Variants in CDIN1 observed in about 807,000 individuals in gnomAD.
The protein encoded by CDIN1 is CDAN1-interacting nuclease 1.
In CDIN1, 33 loss-of-function variants were observed where a neutral mutation model predicts 45.3. The observed-to-expected ratio is 0.73, with a 90% CI of 0.55 to 0.97. The LOEUF is 0.97. Among genes scored for constraint, CDIN1 ranks in the 50% least tolerant of loss-of-function variants. The probability of loss-of-function intolerance (pLI) is 0.00; values close to 1 mark genes in which losing one functional copy is unlikely to be tolerated. For missense variants in CDIN1, 303 were observed against 339.4 expected, an observed-to-expected ratio of 0.89 and a Z score of 0.84; for synonymous variants, 118 against 124.4, an observed-to-expected ratio of 0.95 and a Z score of 0.34.
At chr15:36,736,982 C>T (rs1190705146) in intron 10 of CDIN1, among the ~76,000 whole-genome samples, 3 of 152,074 alleles carry the variant, frequency 2.0e-5, no homozygotes, top group African/African-American at 4.8e-5. Context: ...GCCTGGCCAA[C>T]GTGGTGAAAC....
At chr15:36,726,350 C>G (rs1160784841) in intron 10 of CDIN1, among the ~76,000 whole-genome samples, 2 of 152,152 alleles carry the variant, frequency 1.3e-5, no homozygotes, top group Non-Finnish European at 2.9e-5. Context: ...GTTCCAATTT[C>G]CTGGTATTCC....
intron 1 of CDIN1, among the ~76,000 whole-genome samples, chr15:36,643,087 A>T (rs917112710): frequency 2.6e-5 from 4 of 152,140 alleles, no homozygotes; most frequent in African/African-American, 9.7e-5. Flanking sequence ...AATTGAAAAA[A>T]ACAGACTATA....
chr15:36,774,135 T>G lies in CDIN1; in HGVS notation c.717-34189T>G, dbSNP rs796860248. On this transcript the variant is annotated intron_variant, in intron 10 of 10. Coordinates refer to ENST00000566621, the MANE Select transcript of CDIN1 (RefSeq NM_001321759.2). The stretch of plus-strand genomic sequence containing the variant: ...CCTGCCGGCAAGTAACTGACAGGGG[T>G]GTGTGTGTGTGTGTGTGTGTGTGTG... 3.1e-3 allele frequency among the ~76,000 whole-genome samples: 203 copies of G among 66,232 alleles called. 1 individual carries two copies. The highest frequency in any genetic ancestry group is 0.027 in the East Asian group (65 of 2,366). 43.5% of individuals were successfully genotyped at this position (66,232 alleles called of 152,430 possible).
At chr15:36,686,011 A>T (rs2042029354) in intron 5 of CDIN1, among the ~76,000 whole-genome samples, 1 of 151,740 alleles carries the variant, frequency 6.6e-6, no homozygotes. Context: ...GCGATTCCTC[A>T]GGGATCTAGA....
intron 5 of CDIN1, among the ~76,000 whole-genome samples, 166 bp downstream of exon 5, chr15:36,658,071 T>C (rs1287649059): frequency 6.6e-6 from 1 of 152,184 alleles, no homozygotes; most frequent in Non-Finnish European, 1.5e-5. Flanking sequence ...ACAACTTAAA[T>C]ACTCTTCAGA....
At chr15:36,704,829 A>G (rs78580395) in intron 8 of CDIN1, 4 of 152,118 alleles carry the variant, frequency 2.6e-5, no homozygotes, top group East Asian at 1.9e-4. Context: ...CATGATTTTT[A>G]TGGAAATGAC....
intron 1 of CDIN1, among the ~76,000 whole-genome samples, chr15:36,611,269 A>G (rs567038627): frequency 5.9e-5 from 9 of 152,280 alleles, no homozygotes; most frequent in African/African-American, 1.9e-4. Context: ...TGTGTTTTCT[A>G]CTTACCAGAA....
intron 10 of CDIN1, among the ~76,000 whole-genome samples, chr15:36,768,366 G>A (rs2053980262): frequency 6.6e-6 from 1 of 152,184 alleles, no homozygotes; most frequent in Admixed American, 6.5e-5. Context: ...AGAGAGTTGG[G>A]CTAAATAATC....
chr15:36,584,043 A>G (rs1039870248), intron 1 of CDIN1, among the ~76,000 whole-genome samples: 1 of 152,034 alleles, frequency 6.6e-6, no homozygotes, highest in African/African-American at 2.4e-5. Context: ...TAAAATAAAG[A>G]CCCAAAACAC....
At chr15:36,798,179 A>G (rs1032254686) in intron 10 of CDIN1, among the ~76,000 whole-genome samples, 1 of 152,152 alleles carries the variant, frequency 6.6e-6, no homozygotes, top group African/African-American at 2.4e-5. Context: ...TGCCACTGAA[A>G]TACAAGCTGC....
chr15:36,613,786 A>G, intron 1 of CDIN1: 4 of 1,602,712 alleles, frequency 2.5e-6, no homozygotes, highest in Non-Finnish European at 3.4e-6. Context: ...AAGAAAAGAT[A>G]GAACTCCAGG....
At chr15:36,730,749 C>T (rs1480501582) in intron 10 of CDIN1, among the ~76,000 whole-genome samples, 1 of 152,016 alleles carries the variant, frequency 6.6e-6, no homozygotes, top group African/African-American at 2.4e-5. Flanking sequence ...TGTTTCAAAA[C>T]TAAACTTTAG....
At chr15:36,617,523 A>G (rs2038950712) in intron 1 of CDIN1, 5 of 830,860 alleles carry the variant, frequency 6.0e-6, no homozygotes, top group Middle Eastern at 6.7e-4. Context: ...TGATCTCTCA[A>G]ATGGATAGTG....
At chr15:36,690,760 A>G (rs976788546) in intron 5 of CDIN1, among the ~76,000 whole-genome samples, 1 of 152,162 alleles carries the variant, frequency 6.6e-6, no homozygotes, top group Non-Finnish European at 1.5e-5. Context: ...ATTGTGGTGA[A>G]TAATTCCACT....
intron 1 of CDIN1, among the ~76,000 whole-genome samples, chr15:36,612,541 G>A (rs1161193625): frequency 6.6e-6 from 1 of 152,166 alleles, no homozygotes; most frequent in Admixed American, 6.5e-5. Context: ...TCAGAATGAG[G>A]CTGCATGAGA....
intron 1 of CDIN1, chr15:36,617,800 G>T: frequency 1.2e-6 from 1 of 804,446 alleles, no homozygotes; most frequent in Non-Finnish European, 2.2e-6. Flanking sequence ...GTAGCAGCTG[G>T]TATATCACTT....
rs753397786 is a variant in CDIN1, at chr15:36,657,883, A to G, written c.324A>G (p.Leu108=). The G allele has an allele frequency of 6.2e-7, 1 of 1,612,070 alleles. No individual in the cohort carries two copies. Among genetic ancestry groups the G allele is most frequent in the Non-Finnish European group, 8.5e-7 (1 of 1,179,038 alleles). The change falls in exon 5 of 11, where the codon CTA becomes CTG. Residue 108 remains leucine, a synonymous_variant. Coordinates refer to ENST00000566621, the MANE Select transcript of CDIN1 (RefSeq NM_001321759.2). ...CTCGGCTTATACTGGAGAGGTTTCT[A>G]CAGGAACACGAGGAAACTCCACGTG... ...LMARLILERF[L]QEHEETPPSK... is the part of the protein sequence containing the mutation.
chr15:36,758,614 T>C (rs79321048), intron 10 of CDIN1, among the ~76,000 whole-genome samples: 2,067 of 152,284 alleles, frequency 0.014, 24 homozygotes, highest in Non-Finnish European at 0.021. Flanking sequence ...GTAAAGGCAA[T>C]AACACCCTTT....
In CDIN1 at chr15:36,808,796, TG is replaced by T. The variant is rs2055314830; in HGVS notation, c.*344del. 2 of 461,692 alleles carry T rather than the reference TG, an allele frequency of 4.3e-6. No individual in the cohort carries two copies. Among genetic ancestry groups the T allele is most frequent in the Non-Finnish European group, 8.6e-6 (2 of 232,204 alleles). The allele number at this position is 461,692 out of a possible 1,614,324, so 28.6% of individuals were successfully genotyped here. A position where few individuals can be genotyped will look rare whatever the true frequency, so the allele number is the denominator to read the frequency against. On this transcript the variant is annotated 3_prime_UTR_variant, in exon 11 of 11. Transcript: ENST00000566621. Reference sequence around the variant, plus strand: ...GAAAAAATGTGAAGACTGAAAGGTGTGATTTTTCAATTCTCCTCCCAGTTAC... The same window carrying T: ...GAAAAAATGTGAAGACTGAAAGGTGTATTTTTCAATTCTCCTCCCAGTTAC...
Sources: gnomAD v4.1 joint callset for allele counts (sites outside exome capture counted in the v4.1 genomes callset) on GRCh38, gnomAD v4.1.1 for gene constraint, MANE v1.5 for transcripts, NCBI Gene and HGNC (gene_info 2026-07-23, HGNC 2026-07-21) for gene names.